ADGRL3: variants seen among roughly 807,000 people sequenced by gnomAD.
ADGRL3 encodes the protein calcium-independent alpha-latrotoxin receptor 3.
A neutral mutation model predicts 153.5 loss-of-function variants in ADGRL3; 62 were observed. The ratio of observed to expected loss-of-function variants is 0.40; its 90% CI spans 0.33 to 0.50. The LOEUF is 0.50. Among genes scored for constraint, ADGRL3 ranks in the 20% least tolerant of loss-of-function variants. The pLI, the probability that ADGRL3 is intolerant of heterozygous loss-of-function variation, is 0.47. For missense variants in ADGRL3, 1,641 were observed against 1,859.4 expected, an observed-to-expected ratio of 0.88 and a Z score of 2.16; for synonymous variants, 710 against 672.5, an observed-to-expected ratio of 1.06 and a Z score of -0.86.
At chr4:61,418,534 T>G (rs958209406) in intron 2 of ADGRL3, among the ~76,000 whole-genome samples, 3 of 150,702 alleles carry the variant, frequency 2.0e-5, no homozygotes, top group African/African-American at 7.4e-5. Flanking sequence ...TGCAGTATGT[T>G]TTTCTTCCTA....
intron 9 of ADGRL3, among the ~76,000 whole-genome samples, chr4:61,815,076 G>T (rs1040369015): frequency 1.3e-5 from 2 of 152,132 alleles, no homozygotes; most frequent in Non-Finnish European, 2.9e-5. Context: ...CCTGAAGGAT[G>T]CATCTGTGCT....
chr4:61,781,335 A>AAAAAAAAAAAAAGAAAAGAAAAG (rs2097211260), intron 8 of ADGRL3, among the ~76,000 whole-genome samples: 2 of 150,792 alleles, frequency 1.3e-5, no homozygotes, highest in Non-Finnish European at 3.0e-5. Context: ...TGCCTCCAAA[A>AAAAAAAAAAAAAGAAAAGAAAAG]AAAAAAAAAA....
chr4:61,477,433 A>G lies in ADGRL3; in HGVS notation c.-173-19688A>G, dbSNP rs1376407924. ...TATGCAAAAGAAAGCTGACTATTTG[A>G]TCGGTAAAGACATTAACATACCATG... is the stretch of plus-strand genomic sequence containing the variant. On this transcript the variant is annotated intron_variant, in intron 2 of 26. Transcript: ENST00000683033. Among the ~76,000 whole-genome samples the G allele has an allele frequency of 2.6e-5, 4 of 152,290 alleles. No homozygotes were observed. In the South Asian group the frequency reaches 8.3e-4, roughly 32 times the overall value.
At chr4:61,567,284 A>G (rs1213277913) in intron 4 of ADGRL3, among the ~76,000 whole-genome samples, 1 of 152,204 alleles carries the variant, frequency 6.6e-6, no homozygotes, top group Non-Finnish European at 1.5e-5. Flanking sequence ...AATCAAGATC[A>G]TTGTCAAGGG....
chr4:62,003,773 T>C (rs545407384), intron 21 of ADGRL3, among the ~76,000 whole-genome samples: 1 of 152,260 alleles, frequency 6.6e-6, no homozygotes, highest in South Asian at 2.1e-4. Flanking sequence ...ATGCATGATA[T>C]GATCCTTTCT....
chr4:61,457,039 G>A (rs2097763298), intron 2 of ADGRL3, among the ~76,000 whole-genome samples: 1 of 151,630 alleles, frequency 6.6e-6, no homozygotes, highest in Admixed American at 6.6e-5. Context: ...CAGTTTGTGT[G>A]TTCTTTCTAA....
intron 13 of ADGRL3, among the ~76,000 whole-genome samples, chr4:61,920,411 G>A (rs2098763365): frequency 6.6e-6 from 1 of 152,198 alleles, no homozygotes; most frequent in Non-Finnish European, 1.5e-5. Flanking sequence ...TTACAGTAAA[G>A]TAGTTGTCTG....
At chr4:61,897,576 C>T (rs2149671779) in intron 11 of ADGRL3, among the ~76,000 whole-genome samples, 1 of 152,266 alleles carries the variant, frequency 6.6e-6, no homozygotes, top group African/African-American at 2.4e-5. Context: ...CTTATGCCTC[C>T]AAATATTTAT....
At chr4:61,635,949 T>C (rs1204923912) in intron 5 of ADGRL3, among the ~76,000 whole-genome samples, 4 of 152,152 alleles carry the variant, frequency 2.6e-5, no homozygotes, top group African/African-American at 9.7e-5. Flanking sequence ...TATACAAGTC[T>C]CAGTTATTGA....
At chr4:61,490,671 A>G (rs1452344960) in intron 2 of ADGRL3, among the ~76,000 whole-genome samples, 1 of 147,168 alleles carries the variant, frequency 6.8e-6, no homozygotes, top group Non-Finnish European at 1.5e-5. Flanking sequence ...CTTATTTAAT[A>G]TAAGGTTATT....
intron 1 of ADGRL3, among the ~76,000 whole-genome samples, chr4:61,300,979 G>C (rs565189569): frequency 1.9e-4 from 29 of 152,132 alleles, no homozygotes; most frequent in African/African-American, 6.7e-4. Flanking sequence ...TGGCCAGTCT[G>C]GTTTTGAACT....
chr4:61,518,864 T>A (rs2098513769), intron 4 of ADGRL3, among the ~76,000 whole-genome samples: 1 of 152,218 alleles, frequency 6.6e-6, no homozygotes, highest in African/African-American at 2.4e-5. Flanking sequence ...CCTTTCTGTT[T>A]TATTTGTATT....
chr4:62,061,297 A>G (rs1327102899), intron 25 of ADGRL3, among the ~76,000 whole-genome samples: 1 of 151,802 alleles, frequency 6.6e-6, no homozygotes, highest in African/African-American at 2.4e-5. Context: ...TTTTGAGATA[A>G]TTGTAGATTC....
At chr4:61,994,701 T>A in intron 19 of ADGRL3, among the ~76,000 whole-genome samples, 1 of 152,122 alleles carries the variant, frequency 6.6e-6, no homozygotes, top group East Asian at 1.9e-4. Context: ...CTTCTAGTGC[T>A]CTCTACTCTT....
chr4:61,691,413 C>G (rs113408262), intron 6 of ADGRL3, among the ~76,000 whole-genome samples: 21 of 152,172 alleles, frequency 1.4e-4, no homozygotes, highest in Non-Finnish European at 2.9e-4. Flanking sequence ...TCTTTTTAAC[C>G]TAACTCATGG....
intron 17 of ADGRL3, among the ~76,000 whole-genome samples, chr4:61,967,429 GCCC>G (rs554171965): frequency 1.5e-3 from 234 of 152,118 alleles, no homozygotes; most frequent in African/African-American, 5.2e-3. Context: ...TCACAATCCT[GCCC>G]CCATTAAGTC....
intron 5 of ADGRL3, among the ~76,000 whole-genome samples, chr4:61,639,995 G>A (rs751007856): frequency 1.4e-4 from 21 of 152,066 alleles, no homozygotes; most frequent in Admixed American, 1.0e-3. Flanking sequence ...TTACTTCTGA[G>A]TTTCCTGCTG....
At chr4:61,583,254 C>T (rs924812183) in intron 4 of ADGRL3, among the ~76,000 whole-genome samples, 7 of 152,006 alleles carry the variant, frequency 4.6e-5, no homozygotes, top group African/African-American at 1.7e-4. Flanking sequence ...AGTCACCTGA[C>T]TCTTGATCGG....
intron 2 of ADGRL3, among the ~76,000 whole-genome samples, chr4:61,421,933 A>T (rs1332079580): frequency 6.6e-6 from 1 of 152,148 alleles, no homozygotes; most frequent in African/African-American, 2.4e-5. Context: ...GTCTAAAAAC[A>T]TCTATTTATC....
Sources: gnomAD v4.1 joint callset for allele counts (sites outside exome capture counted in the v4.1 genomes callset) on GRCh38, gnomAD v4.1.1 for gene constraint, MANE v1.5 for transcripts, NCBI Gene and HGNC (gene_info 2026-07-23, HGNC 2026-07-21) for gene names.